Variants in FNBP4 observed in about 807,000 individuals in gnomAD.
FNBP4 encodes formin-binding protein 4.
Under a neutral mutation model 119.3 loss-of-function variants are expected in FNBP4, and 34 were observed. The observed-to-expected ratio is 0.28, with a 90% CI of 0.22 to 0.38. The LOEUF (loss-of-function observed/expected upper bound fraction) is 0.38. Ranked by LOEUF, FNBP4 falls within the 10% of genes least tolerant of loss-of-function variation. The pLI, the probability that FNBP4 is intolerant of heterozygous loss-of-function variation, is 1.00. For missense variants in FNBP4, 1,112 were observed against 1,228.9 expected (o/e 0.90, Z 1.42); for synonymous variants, 462 against 430.6 (o/e 1.07, Z -0.90).
At position 47,732,320 on chromosome 11, in the gene FNBP4, GA is replaced by G; in HGVS notation, c.1820+216del. The G allele has an allele frequency of 7.0e-7, 1 of 1,418,880 alleles. No individual in the cohort carries two copies. Among genetic ancestry groups the G allele is most frequent in the Non-Finnish European group, 9.2e-7 (1 of 1,088,164 alleles). The allele number at this position is 1,418,880 out of a possible 1,614,324, so 87.9% of individuals were successfully genotyped here. ...AAAACCAGCTTTGTCCATATCTTGG[GA>G]AAAAATCCGTTACATGGAACACTTT... On this transcript the variant is annotated intron_variant, in intron 11 of 16. Transcript: ENST00000263773. This position sits in a 1 kb window ranked among gnomAD's most constrained non-coding sequence, Gnocchi z 4.2.
chr11:47,739,335 C>T (rs944759949), intron 8 of FNBP4, among the ~76,000 whole-genome samples: 2 of 152,134 alleles, frequency 1.3e-5, no homozygotes, highest in African/African-American at 4.8e-5. Context: ...GAAACAAAAT[C>T]TTCCCACTAA....
chr11:47,766,947 C>T (rs2097648894), intron 1 of FNBP4, 122 bp downstream of exon 1: 9 of 1,373,860 alleles, frequency 6.6e-6, no homozygotes, highest in Non-Finnish European at 7.5e-6. Context: ...CCTGCAGGCC[C>T]GCAGCAGGCA....
chr11:47,732,388 T>G lies in FNBP4; in HGVS notation c.1820+149A>C, dbSNP rs2097568460. ...TCTCCAATGTGTGGCTGGCCAAACTTTGTGCTTGCGGTGCTTTGCCTGCCC... is the reference window on the plus strand; with the variant it reads ...TCTCCAATGTGTGGCTGGCCAAACTGTGTGCTTGCGGTGCTTTGCCTGCCC... On this transcript the variant is annotated intron_variant, in intron 11 of 16. Coordinates refer to ENST00000263773, the MANE Select transcript of FNBP4 (RefSeq NM_015308.5). The surrounding 1 kb of genome is among the most constrained non-coding windows in gnomAD (Gnocchi z 4.2). 8 of 1,513,104 alleles carry G rather than the reference T, an allele frequency of 5.3e-6. No homozygotes were observed. In the South Asian group the frequency reaches 5.5e-5, roughly 10 times the overall value. 93.7% of individuals were successfully genotyped at this position (1,513,104 alleles called of 1,614,324 possible).
chr11:47,742,200 C>T (rs565590776), intron 8 of FNBP4, among the ~76,000 whole-genome samples: 56 of 152,084 alleles, frequency 3.7e-4, no homozygotes, highest in Admixed American at 3.3e-4. Context: ...AATAGCTGGG[C>T]ACAGCTGGGA....
Position 47,724,699 on chromosome 11 carries a change from A to C in FNBP4, c.2088T>G (p.Leu696=). ...LMPLTPFWTL[L]QSNVPVLQPP... Reference sequence around the variant, plus strand: ...GTTGAAGCACAGGAACATTTGACTGAAGGAGGGTCCAGAATGGAGTAAGTG... The same window carrying C: ...GTTGAAGCACAGGAACATTTGACTGCAGGAGGGTCCAGAATGGAGTAAGTG... The change falls in exon 13 of 17, where the codon CTT becomes CTG. Residue 696 remains leucine (L), a synonymous_variant. Transcript: ENST00000263773. 1.9e-6 allele frequency: 3 copies of C among 1,613,816 alleles called. No homozygotes were observed. Among genetic ancestry groups the C allele is most frequent in the Non-Finnish European group, 1.7e-6 (2 of 1,179,844 alleles).
intron 2 of FNBP4, among the ~76,000 whole-genome samples, chr11:47,764,867 T>C (rs1260582242): frequency 5.3e-5 from 8 of 152,192 alleles, no homozygotes; most frequent in Non-Finnish European, 7.3e-5. Flanking sequence ...GTTGCAACTA[T>C]GGCATTCCTT....
chr11:47,728,435 A>C (rs1377406038), intron 12 of FNBP4, among the ~76,000 whole-genome samples: 1 of 151,664 alleles, frequency 6.6e-6, no homozygotes, highest in Non-Finnish European at 1.5e-5. Context: ...TTTTTAGTAG[A>C]GACAGGGTGA....
Position 47,724,686 on chromosome 11 carries a change from G to A in FNBP4, c.2101C>T (p.Pro701Ser). The change falls in exon 13 of 17, where the codon CCT becomes TCT. Residue 701 changes from proline (P) to serine (S), a missense_variant. By Grantham distance (74) the Pro-to-Ser change is moderately conservative. Around this residue, in one of 2 missense-constraint regions of FNBP4, gnomAD observed 826 missense variants for 988.8 expected, o/e 0.84. Coordinates refer to ENST00000263773, the MANE Select transcript of FNBP4 (RefSeq NM_015308.5). ...AAGGGTAATGGAGGTTGAAGCACAG[G>A]AACATTTGACTGAAGGAGGGTCCAG... ...PFWTLLQSNV[P>S]VLQPPLPLEM... The A allele has an allele frequency of 6.2e-7, 1 of 1,613,984 alleles. No homozygotes were observed. Among genetic ancestry groups the A allele is most frequent in the Non-Finnish European group, 8.5e-7 (1 of 1,179,958 alleles).
rs548398013 is a variant in FNBP4, at chr11:47,754,582, C to T, written c.396G>A (p.Glu132=). Residue 132 remains glutamate (E), a synonymous_variant, in exon 3 of 17, where the codon GAG becomes GAA. Coordinates refer to ENST00000263773, the MANE Select transcript of FNBP4 (RefSeq NM_015308.5). Reference sequence around the variant, plus strand: ...TATCAGTTGACTGGTTTCCATTTGTCTCTTTGGATTGTGCTAGTTTTTCGG... The same window carrying T: ...TATCAGTTGACTGGTTTCCATTTGTTTCTTTGGATTGTGCTAGTTTTTCGG... ...DVSEKLAQSK[E]TNGNQSTDID... is the part of the protein sequence containing the mutation. 6 of 1,614,150 alleles carry T rather than the reference C, an allele frequency of 3.7e-6. No homozygotes were observed. In the South Asian group the frequency reaches 5.5e-5, roughly 15 times the overall value.
chr11:47,758,878 G>A (rs548598695), intron 2 of FNBP4, among the ~76,000 whole-genome samples: 1 of 151,700 alleles, frequency 6.6e-6, no homozygotes, highest in South Asian at 2.1e-4. Context: ...GGGGGGAAAA[G>A]AGAGAGAAAT....
At position 47,734,053 on chromosome 11, in the gene FNBP4, T is replaced by C. The variant is rs1429825657; in HGVS notation, c.1658A>G (p.Asn553Ser). 11 of 1,577,678 alleles carry C rather than the reference T, an allele frequency of 7.0e-6. No homozygotes were observed. The highest frequency in any genetic ancestry group is 2.3e-5 in the East Asian group (1 of 44,220). Reference protein sequence around the residue: ...FLGINRQSISNFHVLLLQTET... With the variant: ...FLGINRQSISSFHVLLLQTET... The stretch of plus-strand genomic sequence containing the variant: ...AGTCTGTAAGAGCAGCACATGAAAG[T>C]TGGAGATGGATTGTCTATTAATGCC... Residue 553 changes from asparagine to serine, a missense_variant, in exon 10 of 17, where the codon AAC (asparagine) becomes AGC (serine). Asn to Ser is a conservative substitution (Grantham distance 46). Around this residue, in one of 2 missense-constraint regions of FNBP4, gnomAD observed 826 missense variants for 988.8 expected, o/e 0.84. Transcript: ENST00000263773.
chr11:47,742,321 A>C (rs1429081011), intron 8 of FNBP4, among the ~76,000 whole-genome samples: 12 of 151,268 alleles, frequency 7.9e-5, no homozygotes, highest in Non-Finnish European at 1.6e-4. Flanking sequence ...TCCACTAACA[A>C]CACAAAAACT....
intron 2 of FNBP4, among the ~76,000 whole-genome samples, chr11:47,765,046 C>T (rs562228175): frequency 2.4e-3 from 372 of 151,876 alleles, no homozygotes; most frequent in Middle Eastern, 0.014. Flanking sequence ...GAAAAAAAAA[C>T]AGTAAAAAAC....
At chr11:47,757,368 C>T (rs542419050) in intron 2 of FNBP4, among the ~76,000 whole-genome samples, 8 of 152,228 alleles carry the variant, frequency 5.3e-5, no homozygotes, top group South Asian at 2.1e-4. Flanking sequence ...GCGCCCGCCA[C>T]GCCCGGCTAA....
intron 11 of FNBP4, 160 bp from the exon 12 acceptor site, chr11:47,731,721 G>A (rs1162667928): frequency 1.8e-5 from 25 of 1,386,936 alleles, no homozygotes; most frequent in Admixed American, 1.0e-4. Context: ...AATTGAGAAT[G>A]GAGAACCAAG....
Position 47,734,011 on chromosome 11 carries a change from A to AG in FNBP4, c.1686+13_1686+14insC, listed in dbSNP as rs945001353. ...TTAACTGTTTATGCCAAAAAAAAAA[A>AG]AAAAAAGACTTACCTCAGTCTGTAA... On this transcript the variant is annotated intron_variant, in intron 10 of 16. Transcript: ENST00000263773. 18 of 1,411,886 alleles carry AG rather than the reference A, an allele frequency of 1.3e-5. No individual in the cohort carries two copies. The highest frequency in any genetic ancestry group is 1.7e-5 in the Non-Finnish European group (18 of 1,049,576). The allele number at this position is 1,411,886 out of a possible 1,614,324, so 87.5% of individuals were successfully genotyped here.
intron 12 of FNBP4, among the ~76,000 whole-genome samples, chr11:47,727,481 C>A (rs915754178): frequency 1.3e-5 from 2 of 152,052 alleles, no homozygotes; most frequent in African/African-American, 2.4e-5. Context: ...AAACTCCTGA[C>A]CTCAAGTGAT....
intron 12 of FNBP4, among the ~76,000 whole-genome samples, chr11:47,728,853 T>TTC (rs2097564170): frequency 7.0e-6 from 1 of 142,888 alleles, no homozygotes; most frequent in African/African-American, 2.6e-5. Context: ...GGCGTCTTTT[T>TTC]TTTTTTTTTT....
Position 47,762,117 on chromosome 11 carries a change from C to T in FNBP4, c.313+3153G>A, listed in dbSNP as rs950223655. Among the ~76,000 whole-genome samples the T allele has an allele frequency of 4.0e-5, 6 of 148,758 alleles. No homozygotes were observed. The South Asian group carries it at 1.1e-3, about 26-fold the overall frequency. ...CCTCCCAAAGTGCTGGGATTAGAGG[C>T]GTGAGGCACAGCGTCTGGCTGTTTT... On this transcript the variant is annotated intron_variant, in intron 2 of 16. Transcript: ENST00000263773.
Sources: allele counts gnomAD v4.1 joint callset (sites outside exome capture counted in the v4.1 genomes callset), GRCh38; gene constraint gnomAD v4.1.1; regional missense constraint gnomAD v4.1.1; non-coding constraint Gnocchi (gnomAD v3.1); transcripts MANE v1.5; gene names NCBI Gene and HGNC (gene_info 2026-07-23, HGNC 2026-07-21).